The following COL4A5 variants were observed in gnomAD, a reference collection of about 807,000 sequenced individuals.
COL4A5 encodes the protein collagen alpha-5(IV) chain.
In COL4A5, 26 loss-of-function variants were observed where a neutral mutation model predicts 130.2. That is an observed-to-expected ratio of 0.20 (90% CI 0.15 to 0.28). The LOEUF is 0.28. Ranked by LOEUF, COL4A5 falls within the 10% of genes least tolerant of loss-of-function variation. The probability of loss-of-function intolerance (pLI) is 1.00; values close to 1 mark genes in which losing one functional copy is unlikely to be tolerated. For missense variants in COL4A5, 1,131 were observed against 1,344.3 expected, an observed-to-expected ratio of 0.84 and a Z score of 2.48; for synonymous variants, 496 against 439.6, an observed-to-expected ratio of 1.13 and a Z score of -1.60.
intron 47 of COL4A5, among the ~76,000 whole-genome samples, chrX:108,685,408 T>A (rs996697295): frequency 8.9e-6 from 1 of 112,557 alleles, no homozygotes; most frequent in Non-Finnish European, 1.9e-5. Flanking sequence ...TTAGACTATG[T>A]CAGGTTACTG....
chrX:108,530,509 GAAA>G (rs756759789), intron 1 of COL4A5, among the ~76,000 whole-genome samples: 1 of 103,582 alleles, frequency 9.7e-6, no homozygotes, highest in Non-Finnish European at 2.0e-5. Context: ...AAATTTACAA[GAAA>G]AAAACAAACA....
intron 1 of COL4A5, among the ~76,000 whole-genome samples, chrX:108,449,914 T>A (rs1360602894): frequency 1.8e-5 from 2 of 112,018 alleles, no homozygotes; most frequent in Non-Finnish European, 3.8e-5. Context: ...CATAAACATG[T>A]ATCATAGCAA....
chrX:108,502,994 T>G (rs1284326718), intron 1 of COL4A5, among the ~76,000 whole-genome samples: 1 of 112,314 alleles, frequency 8.9e-6, no homozygotes, highest in Non-Finnish European at 1.9e-5. Flanking sequence ...CAATTAATAT[T>G]TCGAAGAACC....
In COL4A5 at chrX:108,584,530, GTTT is replaced by G; in HGVS notation, c.1032+15_1032+17del. ...CCACCTGGACCTCCTGGACTTGTAA[GTTT>G]TTTTTTTTTAGTCTTCGTTTATCAA... On this transcript the variant is annotated splice_donor_region_variant and intron_variant, in intron 18 of 52. Coordinates refer to ENST00000328300, the MANE Select transcript of COL4A5 (RefSeq NM_033380.3). 3 of 973,886 alleles carry G rather than the reference GTTT, an allele frequency of 3.1e-6. No homozygotes were observed. Among genetic ancestry groups the G allele is most frequent in the Admixed American group, 2.7e-5 (1 of 36,772 alleles). 80.3% of individuals were successfully genotyped at this position (973,886 alleles called of 1,213,427 possible).
intron 36 of COL4A5, among the ~76,000 whole-genome samples, chrX:108,636,122 TAAAAA>T (rs2067349265): frequency 9.0e-6 from 1 of 111,170 alleles, no homozygotes; most frequent in Non-Finnish European, 1.9e-5. Flanking sequence ...GGATCTAAAA[TAAAAA>T]ACAAAACAAA....
At chrX:108,465,650 A>G (rs751784843) in intron 1 of COL4A5, among the ~76,000 whole-genome samples, 6 of 112,185 alleles carry the variant, frequency 5.3e-5, no homozygotes, top group East Asian at 2.8e-4. Context: ...CCTTTGCATT[A>G]TAAGGAAGAA....
At chrX:108,445,207 A>G (rs1251893269) in intron 1 of COL4A5, among the ~76,000 whole-genome samples, 1 of 110,923 alleles carries the variant, frequency 9.0e-6, no homozygotes, top group East Asian at 2.8e-4. Flanking sequence ...CTTTTCCCTT[A>G]TCCAACCTTA....
intron 49 of COL4A5, among the ~76,000 whole-genome samples, chrX:108,691,783 T>TTTAG (rs770991014): frequency 1.1e-3 from 126 of 112,147 alleles, no homozygotes; most frequent in African/African-American, 3.7e-3. Flanking sequence ...TTTATATATT[T>TTTAG]TCTATAATGG....
At chrX:108,520,698 A>T (rs113215513) in intron 1 of COL4A5, among the ~76,000 whole-genome samples, 139 of 111,661 alleles carry the variant, frequency 1.2e-3, no homozygotes, top group African/African-American at 4.0e-3. Flanking sequence ...ATGACTTTTA[A>T]AATTTTTAAT....
intron 38 of COL4A5, among the ~76,000 whole-genome samples, chrX:108,665,960 G>T (rs1312433672): frequency 9.1e-6 from 1 of 110,494 alleles, no homozygotes; most frequent in East Asian, 2.9e-4. Flanking sequence ...GTTAAGGCAC[G>T]AGAAGTGCTT....
chrX:108,683,163 G>C (rs1256312665), intron 47 of COL4A5, among the ~76,000 whole-genome samples: 3 of 111,541 alleles, frequency 2.7e-5, no homozygotes, highest in African/African-American at 9.8e-5. Flanking sequence ...TTTCCCCATT[G>C]CTTGTTTTTG....
At chrX:108,602,430 C>T (rs1350757049) in intron 27 of COL4A5, among the ~76,000 whole-genome samples, 1 of 112,376 alleles carries the variant, frequency 8.9e-6, no homozygotes, top group Non-Finnish European at 1.9e-5. Context: ...GCTTATGCTT[C>T]AGTTCTGCTT....
At chrX:108,470,112 G>A (rs1363268074) in intron 1 of COL4A5, among the ~76,000 whole-genome samples, 1 of 112,085 alleles carries the variant, frequency 8.9e-6, no homozygotes, top group Non-Finnish European at 1.9e-5. Flanking sequence ...ATATGAAAGT[G>A]CATGTTTTTG....
At chrX:108,577,372 C>CAAAAAAAAAA (rs746311921) in intron 10 of COL4A5, among the ~76,000 whole-genome samples, 2 of 29,913 alleles carry the variant, frequency 6.7e-5, no homozygotes, top group African/African-American at 1.8e-4. Context: ...AACTCCTTCT[C>CAAAAAAAAAA]AAAAAAAAAA....
In COL4A5 at chrX:108,696,315, G is replaced by A. The variant is rs962102528; in HGVS notation, c.5013G>A (p.Thr1671=). The A allele has an allele frequency of 2.3e-5, 28 of 1,206,707 alleles. No homozygotes were observed. The highest frequency in any genetic ancestry group is 3.0e-5 in the East Asian group (1 of 33,749). The change falls in exon 53 of 53, where the codon ACG becomes ACA. Residue 1671 remains threonine, a synonymous_variant. Transcript: ENST00000328300. ...SDMFSKPQSE[T]LKAGDLRTRI... ...TTCCCAGTAAACCTCAGTCAGAAAC[G>A]CTGAAAGCAGGAGACTTGAGGACAC... is the stretch of plus-strand genomic sequence containing the variant.
chrX:108,502,739 C>G (rs1312651579), intron 1 of COL4A5, among the ~76,000 whole-genome samples: 1 of 111,430 alleles, frequency 9.0e-6, no homozygotes, highest in East Asian at 2.8e-4. Flanking sequence ...ACACCCAGGT[C>G]AAGAAATAAG....
At chrX:108,596,448 T>G (rs1477159892) in intron 22 of COL4A5, among the ~76,000 whole-genome samples, 1 of 111,881 alleles carries the variant, frequency 8.9e-6, no homozygotes, top group African/African-American at 3.3e-5. Flanking sequence ...CATTTCTAAT[T>G]AGTAGCCAGG....
At chrX:108,477,834 A>T (rs1196237578) in intron 1 of COL4A5, among the ~76,000 whole-genome samples, 1 of 109,219 alleles carries the variant, frequency 9.2e-6, no homozygotes, top group Non-Finnish European at 1.9e-5. Flanking sequence ...AAAAAAAAAA[A>T]AGAAGAAGGA....
intron 1 of COL4A5, among the ~76,000 whole-genome samples, chrX:108,513,222 C>T (rs1441957756): frequency 2.7e-5 from 3 of 110,310 alleles, no homozygotes; most frequent in Non-Finnish European, 3.8e-5. Flanking sequence ...GGCGTGAACC[C>T]AGGAGGCGGA....
Sources: gnomAD v4.1 joint callset for allele counts (sites outside exome capture counted in the v4.1 genomes callset) on GRCh38, gnomAD v4.1.1 for gene constraint, MANE v1.5 for transcripts, NCBI Gene and HGNC (gene_info 2026-07-23, HGNC 2026-07-21) for gene names.